The following ALDH1L1 variants were observed in gnomAD, a reference collection of about 807,000 sequenced individuals.
The protein encoded by ALDH1L1 is aldehyde dehydrogenase 1 family member L1, also known as cytosolic 10-formyltetrahydrofolate dehydrogenase.
In ALDH1L1, 68 loss-of-function variants were observed where a neutral mutation model predicts 101.1. The observed-to-expected ratio is 0.67, with a 90% confidence interval of 0.55 to 0.82. The LOEUF is 0.82. Ranked by LOEUF, ALDH1L1 falls within the 40% of genes least tolerant of loss-of-function variation. The pLI is 0.00. For missense variants in ALDH1L1, 1,087 were observed against 1,172.7 expected (o/e 0.93, Z 1.07); for synonymous variants, 486 against 470.8 (o/e 1.03, Z -0.42).
intron 6 of ALDH1L1, among the ~76,000 whole-genome samples, chr3:126,154,275 G>A (rs1306766595): frequency 6.6e-6 from 1 of 152,172 alleles, no homozygotes; most frequent in Non-Finnish European, 1.5e-5. Flanking sequence ...CCAGTGGTGA[G>A]ACTCAAAATA....
intron 6 of ALDH1L1, 118 bp downstream of exon 6, chr3:126,154,436 G>T: frequency 1.9e-6 from 2 of 1,051,710 alleles, no homozygotes; most frequent in Non-Finnish European, 2.9e-6. Flanking sequence ...CCCAGTGGGA[G>T]TAGGGGCCAG....
chr3:126,147,177 AC>A (rs2080710466), intron 8 of ALDH1L1, among the ~76,000 whole-genome samples: 1 of 151,538 alleles, frequency 6.6e-6, no homozygotes, highest in South Asian at 2.1e-4. Flanking sequence ...CCTCACCTCA[AC>A]CCCCAGCTTC....
intron 8 of ALDH1L1, among the ~76,000 whole-genome samples, chr3:126,147,824 T>C (rs1477908892): frequency 6.6e-6 from 1 of 152,164 alleles, no homozygotes; most frequent in Non-Finnish European, 1.5e-5. Flanking sequence ...GTCATGGATC[T>C]GCCCTTCCCA....
chr3:126,175,259 T>C (rs1043601191), intron 1 of ALDH1L1, among the ~76,000 whole-genome samples: 2 of 152,036 alleles, frequency 1.3e-5, no homozygotes, highest in African/African-American at 4.8e-5. Context: ...CCTTCCAAAA[T>C]AGAAAGCACT....
intron 1 of ALDH1L1, among the ~76,000 whole-genome samples, chr3:126,191,144 G>C (rs1007804356): frequency 6.6e-6 from 1 of 152,220 alleles, no homozygotes; most frequent in African/African-American, 2.4e-5. Flanking sequence ...ATCAGCCAGA[G>C]GTAGCAGAGT....
intron 1 of ALDH1L1, among the ~76,000 whole-genome samples, chr3:126,163,471 T>C (rs1364725596): frequency 6.6e-6 from 1 of 152,228 alleles, no homozygotes; most frequent in Non-Finnish European, 1.5e-5. Flanking sequence ...TCCACTACAA[T>C]ATTGAATACA....
intron 1 of ALDH1L1, among the ~76,000 whole-genome samples, chr3:126,177,087 C>G (rs961134777): frequency 5.9e-5 from 9 of 152,204 alleles, no homozygotes; most frequent in African/African-American, 2.2e-4. Flanking sequence ...GCAACAGGAA[C>G]TCTTATTTAT....
At chr3:126,120,977 C>A (rs954926444) in intron 16 of ALDH1L1, among the ~76,000 whole-genome samples, 1 of 152,160 alleles carries the variant, frequency 6.6e-6, no homozygotes, top group Admixed American at 6.5e-5. Context: ...ACCCCCAGTA[C>A]CTCACAATGT....
At chr3:126,166,233 C>G (rs1351088445) in intron 1 of ALDH1L1, among the ~76,000 whole-genome samples, 1 of 152,114 alleles carries the variant, frequency 6.6e-6, no homozygotes, top group Non-Finnish European at 1.5e-5. Context: ...GGGAAGTGGC[C>G]AGGGTTAAAG....
chr3:126,140,099 A>G (rs1207573787), intron 9 of ALDH1L1, among the ~76,000 whole-genome samples: 1 of 152,188 alleles, frequency 6.6e-6, no homozygotes, highest in Non-Finnish European at 1.5e-5. Flanking sequence ...GATCCACACC[A>G]AGGCACATTA....
intron 10 of ALDH1L1, 35 bp downstream of exon 10, chr3:126,137,778 T>C (rs1294550378): frequency 6.2e-7 from 1 of 1,606,240 alleles, no homozygotes; most frequent in African/African-American, 1.3e-5. Context: ...CTGAGGGCTC[T>C]GCAGGGCCTG....
At chr3:126,108,831 G>C (rs1945977976) in intron 20 of ALDH1L1, among the ~76,000 whole-genome samples, 1 of 152,218 alleles carries the variant, frequency 6.6e-6, no homozygotes, top group Admixed American at 6.5e-5. Flanking sequence ...GTCAGGCACA[G>C]ATCATGAAGG....
At chr3:126,153,615 T>A in intron 6 of ALDH1L1, 34 bp from the exon 7 acceptor site, 1 of 1,596,356 alleles carries the variant, frequency 6.3e-7, no homozygotes, top group African/African-American at 1.3e-5. Context: ...AGATGGTGGG[T>A]GAGAAGAAGC....
chr3:126,153,491 C>A lies in ALDH1L1; in HGVS notation c.811G>T (p.Val271Leu). Residue 271 changes from valine (V) to leucine (L), a missense_variant, in exon 7 of 23, where the codon GTG becomes TTG. Physicochemically the swap from Val to Leu is conservative, Grantham distance 32. Transcript: ENST00000393434. The stretch of plus-strand genomic sequence containing the variant: ...AGGATGAGTCCTGCTTTGGTGACCA[C>A]CCCTGGCCGATGGGCTCCTGGGATG... ...LPIPGAHRPG[V>L]VTKAGLILFG... The A allele has an allele frequency of 6.2e-7, 1 of 1,614,146 alleles. No individual in the cohort carries two copies. The highest frequency in any genetic ancestry group is 2.2e-5 in the East Asian group (1 of 44,884).
intron 16 of ALDH1L1, among the ~76,000 whole-genome samples, chr3:126,120,026 C>T (rs1271294998): frequency 1.3e-5 from 2 of 152,338 alleles, no homozygotes; most frequent in African/African-American, 4.8e-5. Flanking sequence ...GTCATTGCTG[C>T]GGGAACGCAA....
chr3:126,161,930 G>A (rs1054747805), intron 1 of ALDH1L1, among the ~76,000 whole-genome samples: 34 of 101,878 alleles, frequency 3.3e-4, no homozygotes, highest in Non-Finnish European at 4.8e-4. Context: ...GAATGGTTTC[G>A]CTTGATATAT....
chr3:126,191,426 T>C (rs77340137), intron 1 of ALDH1L1, among the ~76,000 whole-genome samples: 2,200 of 152,288 alleles, frequency 0.014, 56 homozygotes, highest in African/African-American at 0.048. Flanking sequence ...TCATGCCTGA[T>C]TGCCATGTTC....
chr3:126,138,870 A>G lies in ALDH1L1; in HGVS notation c.1077-910T>C, dbSNP rs1266389189. Among the ~76,000 whole-genome samples the G allele has an allele frequency of 2.0e-5, 3 of 152,270 alleles. No individual in the cohort carries two copies. In the East Asian group the frequency reaches 5.8e-4, roughly 29 times the overall value. The stretch of plus-strand genomic sequence containing the variant: ...TTATCTAAATAACTATGGAACTTAC[A>G]TGAATCAAATATGTTGGAACTTTGG... On this transcript the variant is annotated intron_variant, in intron 9 of 22. Transcript: ENST00000393434.
At chr3:126,162,685 T>C (rs1305507059) in intron 1 of ALDH1L1, among the ~76,000 whole-genome samples, 5 of 152,246 alleles carry the variant, frequency 3.3e-5, no homozygotes, top group African/African-American at 1.2e-4. Context: ...ACAGATGTTC[T>C]TAAACTTAAT....
Sources: allele counts gnomAD v4.1 joint callset (sites outside exome capture counted in the v4.1 genomes callset), GRCh38; gene constraint gnomAD v4.1.1; transcripts MANE v1.5; gene names NCBI Gene and HGNC (gene_info 2026-07-23, HGNC 2026-07-21).